Variants in JAZF1 observed in about 807,000 individuals in gnomAD.
JAZF1 encodes juxtaposed with another zinc finger protein 1.
Under a neutral mutation model 26.4 loss-of-function variants are expected in JAZF1, and 8 were observed. The observed-to-expected ratio is 0.30, with a 90% CI of 0.18 to 0.55. The LOEUF is 0.55. Ranked by LOEUF, JAZF1 falls within the 20% of genes least tolerant of loss-of-function variation. The pLI, the probability that JAZF1 is intolerant of heterozygous loss-of-function variation, is 0.94. For missense variants in JAZF1, 199 were observed against 322.0 expected, an observed-to-expected ratio of 0.62 and a Z score of 2.92; for synonymous variants, 126 against 122.3, an observed-to-expected ratio of 1.03 and a Z score of -0.20.
chr7:27,863,641 A>T (rs144646393), intron 3 of JAZF1, among the ~76,000 whole-genome samples: 1 of 152,192 alleles, frequency 6.6e-6, no homozygotes, highest in Non-Finnish European at 1.5e-5. Context: ...TGGTATCCTT[A>T]AAAGTGACTG....
intron 2 of JAZF1, among the ~76,000 whole-genome samples, chr7:27,923,149 C>A (rs1784559776): frequency 6.6e-6 from 1 of 152,172 alleles, no homozygotes. Flanking sequence ...GGTTGTTTAG[C>A]ATAACTGACT....
chr7:28,172,166 A>G (rs957879956), intron 1 of JAZF1, among the ~76,000 whole-genome samples: 10 of 152,200 alleles, frequency 6.6e-5, no homozygotes, highest in African/African-American at 2.2e-4. Flanking sequence ...ACTTATATTC[A>G]TATCATTTTC....
intron 3 of JAZF1, among the ~76,000 whole-genome samples, chr7:27,894,186 C>T (rs1784021143): frequency 2.0e-5 from 3 of 152,178 alleles, no homozygotes; most frequent in South Asian, 4.1e-4. Context: ...TCTCTCTGCT[C>T]ACCTCAGTAG....
chr7:28,141,585 T>C (rs957037283), intron 1 of JAZF1, among the ~76,000 whole-genome samples: 2 of 152,248 alleles, frequency 1.3e-5, no homozygotes, highest in Non-Finnish European at 2.9e-5. Flanking sequence ...AAGCCTTCAT[T>C]AGTATCAGGC....
chr7:28,011,223 C>T (rs1244872743), intron 1 of JAZF1, among the ~76,000 whole-genome samples: 1 of 152,182 alleles, frequency 6.6e-6, no homozygotes, highest in African/African-American at 2.4e-5. Context: ...AAAAGATAAT[C>T]ACCTAGAGAT....
At chr7:28,050,539 C>T (rs1253349363) in intron 1 of JAZF1, among the ~76,000 whole-genome samples, 3 of 152,138 alleles carry the variant, frequency 2.0e-5, no homozygotes, top group South Asian at 2.1e-4. Flanking sequence ...TTTTAAACGT[C>T]CATGTTGTTA....
At chr7:28,150,965 A>G (rs1232186533) in intron 1 of JAZF1, among the ~76,000 whole-genome samples, 1 of 152,220 alleles carries the variant, frequency 6.6e-6, no homozygotes, top group East Asian at 1.9e-4. Context: ...GAAGTGAAAA[A>G]GTTTTAAGTT....
chr7:27,890,264 T>C (rs200021570), intron 3 of JAZF1, among the ~76,000 whole-genome samples: 1 of 152,332 alleles, frequency 6.6e-6, no homozygotes, highest in African/African-American at 2.4e-5. Flanking sequence ...AAGGTAACAG[T>C]TTAGCAAACA....
chr7:28,024,187 C>G (rs73091033), intron 1 of JAZF1, among the ~76,000 whole-genome samples: 20,263 of 151,954 alleles, frequency 0.13, 1,739 homozygotes, highest in Middle Eastern at 0.19. Context: ...CCCAGCTACT[C>G]AGGAGGTTGC....
chr7:28,123,769 T>C (rs764846428), intron 1 of JAZF1, among the ~76,000 whole-genome samples: 2 of 152,172 alleles, frequency 1.3e-5, no homozygotes, highest in Non-Finnish European at 2.9e-5. Flanking sequence ...AATCCTGGGA[T>C]TGATGACTCT....
intron 1 of JAZF1, among the ~76,000 whole-genome samples, chr7:28,117,082 C>G (rs1583569443): frequency 6.6e-6 from 1 of 152,130 alleles, no homozygotes. Flanking sequence ...CCTTGGCCTT[C>G]AATGAATAAG....
intron 4 of JAZF1, among the ~76,000 whole-genome samples, chr7:27,837,601 TGA>T (rs1181423796): frequency 1.3e-5 from 2 of 151,976 alleles, no homozygotes; most frequent in Non-Finnish European, 2.9e-5. Context: ...ACTTGACCTA[TGA>T]GGGGCGGAGA....
intron 1 of JAZF1, among the ~76,000 whole-genome samples, chr7:28,083,780 C>T (rs41445946): frequency 0.02 from 3,112 of 151,914 alleles, 66 homozygotes; most frequent in South Asian, 0.082. Flanking sequence ...CCAGTAAAAA[C>T]ATTGGGCCCT....
intron 1 of JAZF1, among the ~76,000 whole-genome samples, chr7:28,025,342 A>G (rs1783077061): frequency 6.6e-6 from 1 of 152,258 alleles, no homozygotes; most frequent in African/African-American, 2.4e-5. Flanking sequence ...TTTTCAGTGT[A>G]GGTAATACGT....
intron 3 of JAZF1, chr7:27,843,884 T>C (rs776693770): frequency 6.6e-6 from 1 of 152,310 alleles, no homozygotes; most frequent in Non-Finnish European, 1.5e-5. Flanking sequence ...TGGTAGGCCT[T>C]AGAGTAGCAC....
chr7:27,963,176 A>T (rs1785212758), intron 2 of JAZF1, among the ~76,000 whole-genome samples: 2 of 152,244 alleles, frequency 1.3e-5, no homozygotes, highest in Admixed American at 6.5e-5. Flanking sequence ...TCTCATGTAT[A>T]CTACGTTACA....
At chr7:28,014,950 G>A (rs944927594) in intron 1 of JAZF1, among the ~76,000 whole-genome samples, 14 of 152,208 alleles carry the variant, frequency 9.2e-5, no homozygotes, top group East Asian at 3.9e-4. Context: ...TTTAAAGTGC[G>A]GTCCTGGAGC....
At chr7:27,854,899 T>A (rs1783215610) in intron 3 of JAZF1, among the ~76,000 whole-genome samples, 1 of 152,226 alleles carries the variant, frequency 6.6e-6, no homozygotes. Context: ...TGAATTTGAA[T>A]GTTGGCCTGT....
intron 1 of JAZF1, among the ~76,000 whole-genome samples, chr7:28,138,960 T>C (rs967978887): frequency 6.6e-6 from 1 of 152,110 alleles, no homozygotes; most frequent in African/African-American, 2.4e-5. Context: ...TAAATATGAA[T>C]GACTTGGTGA....
Sources: allele counts gnomAD v4.1 joint callset (sites outside exome capture counted in the v4.1 genomes callset), GRCh38; gene constraint gnomAD v4.1.1; transcripts MANE v1.5; gene names NCBI Gene and HGNC (gene_info 2026-07-23, HGNC 2026-07-21).